The following ZNF536 variants were observed in gnomAD, a reference collection of about 807,000 sequenced individuals.
The protein encoded by ZNF536 is zinc finger protein 536.
ZNF536 carries 13 observed loss-of-function variants against 84.5 expected under a neutral mutation model. The observed-to-expected ratio is 0.15, with a 90% CI of 0.10 to 0.24. ZNF536 has a LOEUF of 0.24. Ranked by LOEUF, ZNF536 falls within the 10% of genes least tolerant of loss-of-function variation. ZNF536 has a pLI of 1.00. For synonymous variants in ZNF536, 811 were observed against 742.5 expected (o/e 1.09, Z -1.50); for missense variants, 1,536 against 1,747.5 (o/e 0.88, Z 2.16).
At chr19:30,456,308 C>CTTTTTTTTTT (rs11301441) in intron 2 of ZNF536, among the ~76,000 whole-genome samples, 1 of 108,088 alleles carries the variant, frequency 9.3e-6, no homozygotes, top group African/African-American at 3.4e-5. Flanking sequence ...TGTTTCTTTT[C>CTTTTTTTTTT]TTTTTTTTTT....
At chr19:30,402,202 A>G (rs2147520382) in intron 1 of ZNF536, among the ~76,000 whole-genome samples, 1 of 152,248 alleles carries the variant, frequency 6.6e-6, no homozygotes, top group East Asian at 1.9e-4. Context: ...TAGCTGCACA[A>G]CAATTAAAGG....
intron 1 of ZNF536, among the ~76,000 whole-genome samples, chr19:30,391,541 AC>A (rs1210894936): frequency 6.6e-6 from 1 of 152,140 alleles, no homozygotes; most frequent in African/African-American, 2.4e-5. Flanking sequence ...GCACCATTGC[AC>A]TCCAGCCTGG....
rs745400690 is a variant in ZNF536 at position 30,548,270 on chromosome 19, C to G, written c.2651C>G (p.Ala884Gly). 1 of 1,614,228 alleles carries G rather than the reference C, an allele frequency of 6.2e-7. No individual in the cohort carries two copies. Among genetic ancestry groups the G allele is most frequent in the Non-Finnish European group, 8.5e-7 (1 of 1,180,038 alleles). The change falls in exon 4 of 5, where the codon GCT (alanine) becomes GGT (glycine). Residue 884 changes from alanine to glycine, a missense_variant. Physicochemically the swap from Ala to Gly is moderately conservative, Grantham distance 60. Around this residue, in one of 8 missense-constraint regions of ZNF536, gnomAD observed 624 missense variants for 603.1 expected, o/e 1.03. Coordinates refer to ENST00000355537, the MANE Select transcript of ZNF536 (RefSeq NM_014717.3). ...TGMSSEVPSDALKGTDLPSKS... is the reference protein window; with the variant it reads ...TGMSSEVPSDGLKGTDLPSKS... ...ATGTCTTCGGAGGTCCCCTCAGATG[C>G]TCTGAAAGGCACTGACCTTCCTTCC...
chr19:30,384,206 TCCTCCCTCCCTCCCTC>T (rs1197489321), intron 1 of ZNF536, among the ~76,000 whole-genome samples: 2 of 34,288 alleles, frequency 5.8e-5, no homozygotes, highest in African/African-American at 2.4e-4. Context: ...CTTCCTTCCA[TCCTCCCTCCCTCCCTC>T]CCTCCCTCCC....
At chr19:30,293,237 C>T (rs1469442935) in intron 2 of ZNF536, among the ~76,000 whole-genome samples, 14 of 152,170 alleles carry the variant, frequency 9.2e-5, no homozygotes, top group Admixed American at 9.2e-4. Context: ...TGCCTCCTCC[C>T]CTTCTCGCCA....
At chr19:30,359,151 GTC>G (rs1249379559) in intron 3 of ZNF536, among the ~76,000 whole-genome samples, 1 of 152,108 alleles carries the variant, frequency 6.6e-6, no homozygotes, top group Non-Finnish European at 1.5e-5. Context: ...TTAAAAATTT[GTC>G]TCTGTTGTTG....
chr19:30,393,007 T>A (rs1201725706), intron 1 of ZNF536, among the ~76,000 whole-genome samples: 3 of 152,226 alleles, frequency 2.0e-5, no homozygotes, highest in African/African-American at 7.2e-5. Flanking sequence ...CATTCATTCA[T>A]TTATCTGGTC....
intron 2 of ZNF536, among the ~76,000 whole-genome samples, chr19:30,291,013 T>A (rs1207563540): frequency 6.6e-6 from 1 of 152,230 alleles, no homozygotes; most frequent in Non-Finnish European, 1.5e-5. Context: ...GCAAAGGACA[T>A]GAACTCATCC....
intron 1 of ZNF536, among the ~76,000 whole-genome samples, chr19:30,414,512 G>C (rs1329413204): frequency 6.6e-6 from 1 of 151,918 alleles, no homozygotes; most frequent in Admixed American, 6.6e-5. Context: ...TGTACACCTG[G>C]GGTTTGGTCA....
At chr19:30,411,352 A>G (rs1429882945) in intron 1 of ZNF536, among the ~76,000 whole-genome samples, 4 of 152,210 alleles carry the variant, frequency 2.6e-5, no homozygotes, top group African/African-American at 9.6e-5. Context: ...ATGCACCAAA[A>G]TTTTAAAATT....
intron 1 of ZNF536, among the ~76,000 whole-genome samples, chr19:30,666,505 G>A (rs901224431): frequency 3.9e-5 from 6 of 151,996 alleles, no homozygotes; most frequent in Admixed American, 3.3e-4. Context: ...AGTAGATGGC[G>A]GCCTCTGCAC....
At chr19:30,606,646 C>G (rs1212943862) in intron 1 of ZNF536, among the ~76,000 whole-genome samples, 1 of 152,084 alleles carries the variant, frequency 6.6e-6, no homozygotes, top group East Asian at 1.9e-4. Context: ...GTAGGTAACA[C>G]TTTGTGAAGG....
At position 30,247,366 on chromosome 19, in the gene ZNF536, G is replaced by C. The variant is rs534786649; in HGVS notation, c.-190+18693G>C. On this transcript the variant is annotated intron_variant, in intron 1 of 5. Transcript: ENST00000585628. ...GAGGTGTGCAAGAGACCAAGAGCAG[G>C]TTGAAGAATCATTAGGGATGCTTGT... Among the ~76,000 whole-genome samples the C allele has an allele frequency of 1.2e-4, 19 of 152,314 alleles. No homozygotes were observed. The East Asian group carries it at 3.5e-3, about 28-fold the overall frequency.
Position 30,444,426 on chromosome 19 carries a change from G to T in ZNF536, c.864G>T (p.Glu288Asp), listed in dbSNP as rs2148183129. ...AGGGCAAGTTCAAGAAGCGCGAGGAGCTGGACCGCCACATCCGCATCTTGC... is the reference window on the plus strand; with the variant it reads ...AGGGCAAGTTCAAGAAGCGCGAGGATCTGGACCGCCACATCCGCATCTTGC... Reference protein sequence around the residue: ...FCKGKFKKREELDRHIRILHK... With the variant: ...FCKGKFKKREDLDRHIRILHK... The change falls in exon 2 of 5, where the codon GAG (glutamate) becomes GAT (aspartate). Residue 288 changes from glutamate to aspartate, a missense_variant. Glu to Asp is a conservative substitution (Grantham distance 45). Coordinates refer to ENST00000355537, the MANE Select transcript of ZNF536 (RefSeq NM_014717.3). The T allele has an allele frequency of 6.2e-7, 1 of 1,608,630 alleles. No homozygotes were observed.
At chr19:30,558,300 G>C (rs548181402), downstream of ZNF536, among the ~76,000 whole-genome samples, 1 of 152,324 alleles carries the variant, frequency 6.6e-6, no homozygotes, top group East Asian at 1.9e-4. Flanking sequence ...ACTGTGGGGG[G>C]TGGGGGAGAG....
At chr19:30,648,438 G>A (rs1327428525) in intron 1 of ZNF536, among the ~76,000 whole-genome samples, 2 of 152,140 alleles carry the variant, frequency 1.3e-5, no homozygotes, top group African/African-American at 4.8e-5. Context: ...TCACACCAAG[G>A]AGCCTGGCCC....
chr19:30,265,285 C>G (rs1354242061), intron 1 of ZNF536, among the ~76,000 whole-genome samples: 1 of 152,154 alleles, frequency 6.6e-6, no homozygotes, highest in African/African-American at 2.4e-5. Context: ...CTGCCAGGAG[C>G]CCAGCCCTCT....
chr19:30,560,411 T>C (rs1370558066), downstream of ZNF536, among the ~76,000 whole-genome samples: 3 of 151,844 alleles, frequency 2.0e-5, no homozygotes, highest in South Asian at 2.1e-4. Context: ...TGTGGAAATA[T>C]AACAAGCCCA....
intron 2 of ZNF536, among the ~76,000 whole-genome samples, chr19:30,342,898 G>T (rs1226301195): frequency 6.6e-6 from 1 of 152,178 alleles, no homozygotes; most frequent in Non-Finnish European, 1.5e-5. Flanking sequence ...TAATAAAGGC[G>T]GTAGAGAGGT....
Sources: gnomAD v4.1 joint callset for allele counts (sites outside exome capture counted in the v4.1 genomes callset) on GRCh38, gnomAD v4.1.1 for gene constraint, gnomAD v4.1.1 regional missense constraint, MANE v1.5 for transcripts, NCBI Gene and HGNC (gene_info 2026-07-23, HGNC 2026-07-21) for gene names.